CACNA1A: variants seen among roughly 807,000 people sequenced by gnomAD.
CACNA1A encodes voltage-dependent P/Q-type calcium channel subunit alpha-1A.
A neutral mutation model predicts 262.4 loss-of-function variants in CACNA1A; 57 were observed. The observed-to-expected ratio is 0.22, with a 90% CI of 0.18 to 0.27. CACNA1A has a LOEUF of 0.27. CACNA1A is among the 10% of genes least tolerant of loss of function. The pLI, the probability that CACNA1A is intolerant of heterozygous loss-of-function variation, is 1.00. For synonymous variants in CACNA1A, 1,431 were observed against 1,419.3 expected (o/e 1.01, Z -0.18); for missense variants, 2,526 against 3,562.8 (o/e 0.71, Z 7.41).
intron 3 of CACNA1A, among the ~76,000 whole-genome samples, chr19:13,436,974 T>C (rs2060623409): frequency 6.6e-6 from 1 of 152,192 alleles, no homozygotes. Flanking sequence ...GGGAACCTCT[T>C]TTCAGGTTAG....
intron 24 of CACNA1A, among the ~76,000 whole-genome samples, chr19:13,268,420 T>G (rs2056920713): frequency 6.8e-6 from 1 of 146,976 alleles, no homozygotes; most frequent in South Asian, 2.2e-4. Context: ...CCACGACCCC[T>G]CTGGAAGTTA....
intron 1 of CACNA1A, among the ~76,000 whole-genome samples, chr19:13,498,357 T>A (rs1981936346): frequency 6.6e-6 from 1 of 152,124 alleles, no homozygotes; most frequent in Non-Finnish European, 1.5e-5. Context: ...TTACATATAT[T>A]TTTTACACAT....
At position 13,457,840 on chromosome 19, in the gene CACNA1A, CAAAACTCCGTTTCAAAAAAA is replaced by C. The variant is rs1434447349; in HGVS notation, c.294-2648_294-2629del. 9.7e-3 allele frequency among the ~76,000 whole-genome samples: 747 copies of C among 76,890 alleles called. 5 individuals carry two copies. The highest frequency in any genetic ancestry group is 0.04 in the African/African-American group (715 of 17,900). The allele number at this position is 76,890 out of a possible 152,430, so 50.4% of individuals were successfully genotyped here. ...TGCACTCCAGCCTGGGCAACAAAAGCAAAACTCCGTTTCAAAAAAAAAAAAAAAAAAGGAATGAAGTACTG... is the reference window on the plus strand; with the variant it reads ...TGCACTCCAGCCTGGGCAACAAAAGCAAAAAAAAAAAGGAATGAAGTACTG... On this transcript the variant is annotated intron_variant, in intron 1 of 46. Coordinates refer to ENST00000360228, the MANE Select transcript of CACNA1A (RefSeq NM_001127222.2).
At chr19:13,380,109 A>C (rs1345632220) in intron 3 of CACNA1A, among the ~76,000 whole-genome samples, 8 of 123,820 alleles carry the variant, frequency 6.5e-5, no homozygotes, top group Middle Eastern at 6.9e-3. Context: ...TATGGTGAAA[A>C]CCCGTCTCTA....
In CACNA1A at chr19:13,227,547, AAAAAACAAAAAC is replaced by A. The variant is rs754077643; in HGVS notation, c.5529-32_5529-21del. On this transcript the variant is annotated intron_variant, in intron 36 of 46. Transcript: ENST00000360228. ...CGGCCCCTGGCAGCACCGAAAATGA[AAAAAACAAAAAC>A]AAAAACAAAAAAACAAAACGGGAAT... The A allele has an allele frequency of 1.3e-6, 2 of 1,496,716 alleles. No homozygotes were observed. The highest frequency in any genetic ancestry group is 1.4e-5 in the African/African-American group (1 of 71,900). The allele number at this position is 1,496,716 out of a possible 1,614,324, so 92.7% of individuals were successfully genotyped here.
At chr19:13,209,128 C>T in intron 45 of CACNA1A, 119 bp from the exon 46 acceptor site, 1 of 1,438,128 alleles carries the variant, frequency 7.0e-7, no homozygotes, top group Non-Finnish European at 9.3e-7. Context: ...TGAACCGAGG[C>T]AGGTCAGTGG....
intron 3 of CACNA1A, among the ~76,000 whole-genome samples, chr19:13,432,115 A>T (rs1046085277): frequency 1.2e-4 from 18 of 151,178 alleles, no homozygotes; most frequent in African/African-American, 4.4e-4. Flanking sequence ...AAAAAAAAAA[A>T]AAAAAAAAAA....
chr19:13,457,852 T>G (rs1006303115), intron 1 of CACNA1A, among the ~76,000 whole-genome samples: 1 of 122,850 alleles, frequency 8.1e-6, no homozygotes, highest in Non-Finnish European at 1.6e-5. Flanking sequence ...AAACTCCGTT[T>G]CAAAAAAAAA....
chr19:13,312,628 A>G (rs1228130595), intron 12 of CACNA1A, 41 bp downstream of exon 12: 2 of 1,190,966 alleles, frequency 1.7e-6, no homozygotes, highest in South Asian at 1.4e-5. Flanking sequence ...CATTCCAGGC[A>G]AGAGCTGGAG....
chr19:13,444,664 G>T (rs2060778527), intron 3 of CACNA1A, among the ~76,000 whole-genome samples: 1 of 152,132 alleles, frequency 6.6e-6, no homozygotes, highest in African/African-American at 2.4e-5. Flanking sequence ...AACCTGAGGG[G>T]TGATATTAAA....
At chr19:13,391,969 C>A (rs2059716890) in intron 3 of CACNA1A, among the ~76,000 whole-genome samples, 1 of 141,416 alleles carries the variant, frequency 7.1e-6, no homozygotes, top group Non-Finnish European at 1.5e-5. Context: ...CCCGGGAGGT[C>A]AAGGCTGCAG....
At chr19:13,298,470 A>G in intron 19 of CACNA1A, 74 bp downstream of exon 19, 2 of 1,300,404 alleles carry the variant, frequency 1.5e-6, no homozygotes, top group Non-Finnish European at 1.1e-6. Flanking sequence ...ACAAATACAC[A>G]GCACGTGCTA....
intron 3 of CACNA1A, among the ~76,000 whole-genome samples, chr19:13,385,164 T>C (rs1413108624): frequency 6.6e-6 from 1 of 152,134 alleles, no homozygotes; most frequent in Non-Finnish European, 1.5e-5. Flanking sequence ...GTGCAGAAAG[T>C]TCCATTGGAC....
intron 7 of CACNA1A, 55 bp from the exon 8 acceptor site, chr19:13,334,548 T>C (rs2058523688): frequency 1.1e-5 from 8 of 748,266 alleles, no homozygotes; most frequent in Admixed American, 6.4e-5. Flanking sequence ...TTAGGAAACG[T>C]TTGTGTGTGT....
intron 3 of CACNA1A, among the ~76,000 whole-genome samples, chr19:13,378,910 C>G (rs1483399545): frequency 1.3e-5 from 2 of 151,148 alleles, no homozygotes; most frequent in Non-Finnish European, 2.9e-5. Context: ...CTCAAGTGAT[C>G]CACCCACCTT....
chr19:13,480,444 A>C (rs1163393003), intron 1 of CACNA1A, among the ~76,000 whole-genome samples: 1 of 152,242 alleles, frequency 6.6e-6, no homozygotes, highest in Admixed American at 6.5e-5. Flanking sequence ...TGCATATAAC[A>C]TATAAAATCT....
At chr19:13,484,693 T>C (rs557349583) in intron 1 of CACNA1A, among the ~76,000 whole-genome samples, 1 of 152,204 alleles carries the variant, frequency 6.6e-6, no homozygotes, top group Non-Finnish European at 1.5e-5. Flanking sequence ...ACTGCTTCAG[T>C]AGCCTGACAG....
intron 2 of CACNA1A, 130 bp from the exon 3 acceptor site, chr19:13,453,145 C>A: frequency 1.2e-6 from 1 of 859,752 alleles, no homozygotes; most frequent in Non-Finnish European, 1.8e-6. Context: ...ACTCACCACC[C>A]CTCACTGCCT....
At position 13,390,348 on chromosome 19, in the gene CACNA1A, G is replaced by C. The variant is rs367909676; in HGVS notation, c.540-18569C>G. ...GCTGGTCTCAAACCCCTGGCCTCCA[G>C]TGATCCTCCCACCTTGGCCTTCCAA... On this transcript the variant is annotated intron_variant, in intron 3 of 46. Transcript: ENST00000360228. Among the ~76,000 whole-genome samples, 7 of 152,260 alleles carry C rather than the reference G, an allele frequency of 4.6e-5. No individual in the cohort carries two copies. The South Asian group carries it at 8.3e-4, about 18-fold the overall frequency.
Sources: allele counts gnomAD v4.1 joint callset (sites outside exome capture counted in the v4.1 genomes callset), GRCh38; gene constraint gnomAD v4.1.1; transcripts MANE v1.5; gene names NCBI Gene and HGNC (gene_info 2026-07-23, HGNC 2026-07-21).